RARB: variants seen among roughly 807,000 people sequenced by gnomAD.
RARB encodes HBV-activated protein.
A neutral mutation model predicts 51.9 loss-of-function variants in RARB; 17 were observed. The ratio of observed to expected loss-of-function variants is 0.33; its 90% CI spans 0.22 to 0.49. The LOEUF is 0.49. Among genes scored for constraint, RARB ranks in the 20% least tolerant of loss-of-function variants. The pLI is 0.99. For synonymous variants in RARB, 215 were observed against 195.4 expected (o/e 1.10, Z -0.84); for missense variants, 369 against 550.8 (o/e 0.67, Z 3.30).
intron 4 of RARB, among the ~76,000 whole-genome samples, chr3:25,172,341 C>G (rs115472344): frequency 6.6e-6 from 1 of 152,022 alleles, no homozygotes; most frequent in East Asian, 1.9e-4. Context: ...TCTGGCTTAG[C>G]GAGGGCTTAC....
chr3:24,919,055 C>T (rs1366447233), intron 2 of RARB, among the ~76,000 whole-genome samples: 1 of 152,126 alleles, frequency 6.6e-6, no homozygotes, highest in African/African-American at 2.4e-5. Context: ...TTTTACTCCT[C>T]TATAAAATAG....
chr3:25,132,700 T>G (rs1699972305), intron 4 of RARB, among the ~76,000 whole-genome samples: 1 of 151,918 alleles, frequency 6.6e-6, no homozygotes, highest in African/African-American at 2.4e-5. Flanking sequence ...AATTTATATT[T>G]CAAAATAGCT....
chr3:24,966,632 C>CTG (rs1696280160), intron 2 of RARB, among the ~76,000 whole-genome samples: 1 of 151,334 alleles, frequency 6.6e-6, no homozygotes, highest in African/African-American at 2.4e-5. Flanking sequence ...CTCTCTCTCT[C>CTG]TCTCTCTCTC....
intron 2 of RARB, among the ~76,000 whole-genome samples, chr3:25,058,527 G>C (rs980202841): frequency 6.7e-6 from 1 of 149,686 alleles, no homozygotes; most frequent in Admixed American, 6.6e-5. Context: ...GCTTTGATGG[G>C]CATCTCCAAA....
At chr3:25,346,651 A>G (rs1466485319) in intron 5 of RARB, among the ~76,000 whole-genome samples, 2 of 152,192 alleles carry the variant, frequency 1.3e-5, no homozygotes, top group Non-Finnish European at 2.9e-5. Flanking sequence ...CCAATTAATC[A>G]GGAAGCTCGA....
intron 5 of RARB, among the ~76,000 whole-genome samples, chr3:25,196,149 C>T (rs1304572291): frequency 1.3e-5 from 2 of 151,912 alleles, no homozygotes; most frequent in South Asian, 4.2e-4. Flanking sequence ...TATACATGTG[C>T]CATGTTGGTG....
intron 2 of RARB, among the ~76,000 whole-genome samples, chr3:24,916,788 C>G (rs1446422517): frequency 8.7e-6 from 1 of 114,758 alleles, no homozygotes; most frequent in Non-Finnish European, 1.8e-5. Context: ...AAAAAAAAAC[C>G]TTGTACAAGA....
At chr3:24,914,080 T>TA (rs1366222033) in intron 2 of RARB, among the ~76,000 whole-genome samples, 20 of 152,340 alleles carry the variant, frequency 1.3e-4, no homozygotes, top group African/African-American at 3.6e-4. Flanking sequence ...TCTGTGATGC[T>TA]ACTTAAGCAG....
At chr3:24,901,091 T>C (rs1383449051) in intron 2 of RARB, among the ~76,000 whole-genome samples, 1 of 152,198 alleles carries the variant, frequency 6.6e-6, no homozygotes, top group Non-Finnish European at 1.5e-5. Flanking sequence ...TTATGGCTCT[T>C]GGAATAAATT....
intron 3 of RARB, among the ~76,000 whole-genome samples, chr3:25,118,232 C>T (rs945155758): frequency 2.0e-5 from 3 of 152,112 alleles, no homozygotes; most frequent in African/African-American, 7.2e-5. Flanking sequence ...TATACAGTTC[C>T]CCAATATGGA....
intron 5 of RARB, among the ~76,000 whole-genome samples, chr3:25,232,759 G>A (rs2885835): frequency 0.78 from 118,255 of 151,922 alleles, 46,657 homozygotes; most frequent in East Asian, 0.85. Flanking sequence ...AGTAGAAACC[G>A]TACTTTATCT....
chr3:25,175,861 A>G (rs781520329), intron 5 of RARB, among the ~76,000 whole-genome samples: 11 of 152,168 alleles, frequency 7.2e-5, no homozygotes, highest in Non-Finnish European at 2.9e-5. Flanking sequence ...TGAAAGTTGA[A>G]GCAGCCAAAG....
At chr3:25,154,837 C>T (rs1038608686) in intron 4 of RARB, among the ~76,000 whole-genome samples, 2 of 152,208 alleles carry the variant, frequency 1.3e-5, no homozygotes, top group Non-Finnish European at 2.9e-5. Flanking sequence ...ATAATACTCG[C>T]ACCTACCTAC....
chr3:25,396,723 A>T (rs1264064064), intron 5 of RARB, among the ~76,000 whole-genome samples: 1 of 151,826 alleles, frequency 6.6e-6, no homozygotes, highest in African/African-American at 2.4e-5. Flanking sequence ...CGCTGTGGAG[A>T]TGGGGGTGTG....
chr3:25,092,124 C>T (rs1466000913), intron 3 of RARB, among the ~76,000 whole-genome samples: 3 of 152,170 alleles, frequency 2.0e-5, no homozygotes, highest in African/African-American at 7.2e-5. Flanking sequence ...TACAGCCAGG[C>T]TCCAGAAATC....
intron 3 of RARB, among the ~76,000 whole-genome samples, chr3:25,060,797 G>A (rs1698533766): frequency 6.6e-6 from 1 of 151,856 alleles, no homozygotes; most frequent in Non-Finnish European, 1.5e-5. Flanking sequence ...GGCTTCATGA[G>A]TAGAGTGTGA....
At chr3:24,941,484 C>T (rs1695666737) in intron 2 of RARB, among the ~76,000 whole-genome samples, 1 of 152,002 alleles carries the variant, frequency 6.6e-6, no homozygotes, top group Admixed American at 6.6e-5. Flanking sequence ...ATTCTCCTGC[C>T]TCAGTCTCCC....
intron 5 of RARB, among the ~76,000 whole-genome samples, chr3:25,332,207 G>T (rs1354306087): frequency 1.3e-5 from 2 of 152,074 alleles, no homozygotes; most frequent in Non-Finnish European, 1.5e-5. Context: ...CCAAAGCATG[G>T]CAGAGACACA....
Position 25,596,955 on chromosome 3 carries a change from G to C in RARB, c.*339G>C, listed in dbSNP as rs1034834829. 5.1e-6 allele frequency: 1 copy of C among 197,008 alleles called. No individual in the cohort carries two copies. Among genetic ancestry groups the C allele is most frequent in the Admixed American group, 5.4e-5 (1 of 18,540 alleles). 12.2% of individuals were successfully genotyped at this position (197,008 alleles called of 1,614,324 possible). ...AGTTTCTGAAGACTTTGTACATACA[G>C]AAGTATGGCTCTGTTCTTTCTATAC... On this transcript the variant is annotated 3_prime_UTR_variant, in exon 8 of 8. Coordinates refer to ENST00000330688, the MANE Select transcript of RARB (RefSeq NM_000965.5).
Sources: allele counts gnomAD v4.1 joint callset (sites outside exome capture counted in the v4.1 genomes callset), GRCh38; gene constraint gnomAD v4.1.1; transcripts MANE v1.5; gene names NCBI Gene and HGNC (gene_info 2026-07-23, HGNC 2026-07-21).